Variants in NSUN3 observed in about 807,000 individuals in gnomAD.
NSUN3 encodes the protein NOP2/Sun RNA methyltransferase 3.
NSUN3 carries 24 observed loss-of-function variants against 36.8 expected under a neutral mutation model. The observed-to-expected ratio is 0.65, with a 90% confidence interval of 0.47 to 0.92. The LOEUF (loss-of-function observed/expected upper bound fraction) is 0.92, where lower values mean the gene tolerates loss of function less well. Ranked by LOEUF, NSUN3 falls within the 40% of genes least tolerant of loss-of-function variation. The pLI, the probability that NSUN3 is intolerant of heterozygous loss-of-function variation, is 0.00. For synonymous variants in NSUN3, 146 were observed against 145.2 expected (o/e 1.01, Z -0.04); for missense variants, 381 against 392.8 (o/e 0.97, Z 0.25).
rs1003977374 is a variant in NSUN3 at position 94,113,809 on chromosome 3, C to T, written c.744-12402C>T. On this transcript the variant is annotated intron_variant, in intron 5 of 5. Transcript: ENST00000314622. ...TGAATTACCAAGTTACTTGGAATAA[C>T]TACCAAGTTATTCCAAATTATTTGG... 3.3e-5 allele frequency among the ~76,000 whole-genome samples: 5 copies of T among 152,166 alleles called. No individual in the cohort carries two copies. The East Asian group carries it at 9.6e-4, about 29-fold the overall frequency.
Position 94,095,159 on chromosome 3 carries a change from G to C in NSUN3, c.743+5G>C. The C allele has an allele frequency of 6.2e-7, 1 of 1,612,742 alleles. No individual in the cohort carries two copies. Among genetic ancestry groups the C allele is most frequent in the Non-Finnish European group, 8.5e-7 (1 of 1,179,110 alleles). On this transcript the variant is annotated splice_donor_5th_base_variant and intron_variant, in intron 5 of 5. Transcript: ENST00000314622. ...TCTACAGATAGAGCTGTTAAGGTAA[G>C]GACTGTTAATACAAAAGTGTATTTT...
chr3:94,110,735 T>TACACAC (rs145414941), intron 5 of NSUN3, among the ~76,000 whole-genome samples: 165 of 143,146 alleles, frequency 1.2e-3, no homozygotes, highest in African/African-American at 3.9e-3. Flanking sequence ...TATACATGTA[T>TACACAC]ACACACACAC....
chr3:94,111,805 T>C (rs1418718045), intron 5 of NSUN3, among the ~76,000 whole-genome samples: 1 of 151,982 alleles, frequency 6.6e-6, no homozygotes, highest in African/African-American at 2.4e-5. Flanking sequence ...TCTGAAGCTG[T>C]TTTACAGTTA....
intron 2 of NSUN3, among the ~76,000 whole-genome samples, chr3:94,070,566 C>T (rs777600505): frequency 2.0e-5 from 3 of 152,068 alleles, no homozygotes; most frequent in East Asian, 1.9e-4. Flanking sequence ...GGCAAGTGAC[C>T]GCAGTCAGTT....
At chr3:94,085,974 C>T (rs913823203) in intron 3 of NSUN3, among the ~76,000 whole-genome samples, 2 of 148,884 alleles carry the variant, frequency 1.3e-5, no homozygotes, top group Non-Finnish European at 3.0e-5. Flanking sequence ...GATGGAGTCT[C>T]GCTGTGTCTC....
At chr3:94,071,838 T>A (rs1653862704) in intron 2 of NSUN3, among the ~76,000 whole-genome samples, 1 of 151,786 alleles carries the variant, frequency 6.6e-6, no homozygotes, top group African/African-American at 2.4e-5. Context: ...TTCCCTCTAC[T>A]GCCTGCTAAG....
At chr3:94,089,211 G>A (rs755407946) in intron 3 of NSUN3, among the ~76,000 whole-genome samples, 3 of 151,994 alleles carry the variant, frequency 2.0e-5, no homozygotes, top group Non-Finnish European at 4.4e-5. Context: ...AGGTAATCAG[G>A]CATGAGTGGG....
At chr3:94,126,171 A>G (rs2077484675) in intron 5 of NSUN3, 40 bp from the exon 6 acceptor site, 2 of 1,559,244 alleles carry the variant, frequency 1.3e-6, no homozygotes, top group Non-Finnish European at 1.7e-6. Context: ...TCTTTTTAAT[A>G]TACTTAACTA....
At chr3:94,063,968 C>T (rs1373637386) in intron 1 of NSUN3, 1 of 156,082 alleles carries the variant, frequency 6.4e-6, no homozygotes, top group East Asian at 1.9e-4. Flanking sequence ...CCCACCTCAG[C>T]CCCCTGAGTA....
rs1231314248 is a variant in NSUN3, at chr3:94,130,877, G to C, written c.*4387G>C. 6.6e-6 allele frequency among the ~76,000 whole-genome samples: 1 copy of C among 152,066 alleles called. No homozygotes were observed. Among genetic ancestry groups the C allele is most frequent in the African/African-American group, 2.4e-5 (1 of 41,416 alleles). On this transcript the variant is annotated 3_prime_UTR_variant, in exon 6 of 6. Transcript: ENST00000314622. ...GTGCCAGGCCAGTCCTGCAAAGCCA[G>C]CAAAGTTTCATTTTCATTCAACCCT...
intron 2 of NSUN3, among the ~76,000 whole-genome samples, chr3:94,067,593 T>G (rs1221837284): frequency 1.3e-5 from 2 of 152,230 alleles, no homozygotes; most frequent in Non-Finnish European, 2.9e-5. Context: ...ATCTGGCATA[T>G]TGCAACAGCC....
At position 94,084,413 on chromosome 3, in the gene NSUN3, A is replaced by C; in HGVS notation, c.429A>C (p.Gly143=). The C allele has an allele frequency of 6.2e-7, 1 of 1,614,048 alleles. No individual in the cohort carries two copies. The highest frequency in any genetic ancestry group is 8.5e-7 in the Non-Finnish European group (1 of 1,179,984). Residue 143 remains glycine (G), a synonymous_variant, in exon 3 of 6, where the codon GGA becomes GGC. Coordinates refer to ENST00000314622, the MANE Select transcript of NSUN3 (RefSeq NM_022072.5). The part of the protein sequence containing the change: ...EKVLDLCAAP[G]GKSIALLQCA... The stretch of plus-strand genomic sequence containing the variant: ...TTCTGGATCTCTGTGCTGCTCCTGG[A>C]GGGAAATCAATAGCTCTGCTGCAGT...
At chr3:94,066,168 A>G (rs1283851364) in intron 2 of NSUN3, among the ~76,000 whole-genome samples, 2 of 151,926 alleles carry the variant, frequency 1.3e-5, no homozygotes, top group Non-Finnish European at 2.9e-5. Flanking sequence ...TCAGAAAGTC[A>G]TATACTATTA....
intron 3 of NSUN3, among the ~76,000 whole-genome samples, chr3:94,089,405 A>G (rs1187610902): frequency 6.6e-6 from 1 of 152,192 alleles, no homozygotes; most frequent in Non-Finnish European, 1.5e-5. Flanking sequence ...AGGGAGAGGC[A>G]ATTTCCCAAA....
At chr3:94,101,365 A>G (rs1480757276) in intron 5 of NSUN3, among the ~76,000 whole-genome samples, 1 of 152,156 alleles carries the variant, frequency 6.6e-6, no homozygotes, top group Non-Finnish European at 1.5e-5. Context: ...ATTAATGTAC[A>G]TATAACAGTA....
intron 5 of NSUN3, among the ~76,000 whole-genome samples, chr3:94,096,050 C>T (rs985980284): frequency 2.0e-5 from 3 of 151,694 alleles, no homozygotes; most frequent in Admixed American, 6.6e-5. Context: ...TGAGCCACCA[C>T]GCCTGGCCAC....
chr3:94,076,823 A>G (rs372766261), intron 2 of NSUN3: 5 of 1,584,240 alleles, frequency 3.2e-6, no homozygotes, highest in African/African-American at 1.3e-5. Flanking sequence ...CTTGATTTCT[A>G]TTTCAATTTT....
At position 94,063,067 on chromosome 3, in the gene NSUN3, C is replaced by T. The variant is rs2077186763; in HGVS notation, c.-60C>T. ...AAGTCAGACTGTTTTTTTCAGTTCC[C>T]TGGAGGCTTTTTGATACTGATTCGC... On this transcript the variant is annotated 5_prime_UTR_variant, in exon 1 of 6. Transcript: ENST00000314622. The T allele has an allele frequency of 6.2e-7, 1 of 1,606,764 alleles. No individual in the cohort carries two copies. Among genetic ancestry groups the T allele is most frequent in the South Asian group, 1.1e-5 (1 of 90,862 alleles).
Position 94,129,495 on chromosome 3 carries a change from G to T in NSUN3, c.*3005G>T, listed in dbSNP as rs1050898614. Among the ~76,000 whole-genome samples the T allele has an allele frequency of 6.6e-6, 1 of 152,092 alleles. No individual in the cohort carries two copies. The highest frequency in any genetic ancestry group is 2.4e-5 in the African/African-American group (1 of 41,402). The stretch of plus-strand genomic sequence containing the variant: ...AATAGACACTGGTGACTACTAGAGT[G>T]GGGAGGGGAGGAGGGGGATGTAGGC... On this transcript the variant is annotated 3_prime_UTR_variant, in exon 6 of 6. Transcript: ENST00000314622.
Sources: gnomAD v4.1 joint callset for allele counts (sites outside exome capture counted in the v4.1 genomes callset) on GRCh38, gnomAD v4.1.1 for gene constraint, MANE v1.5 for transcripts, NCBI Gene and HGNC (gene_info 2026-07-23, HGNC 2026-07-21) for gene names.